RABGAP1: variants seen among roughly 807,000 people sequenced by gnomAD.
RABGAP1 encodes RAB GTPase activating protein 1.
Under a neutral mutation model 137.6 loss-of-function variants are expected in RABGAP1, and 23 were observed. The observed-to-expected ratio is 0.17, with a 90% CI of 0.12 to 0.24. RABGAP1 has a LOEUF of 0.24. Among genes scored for constraint, RABGAP1 ranks in the 10% least tolerant of loss-of-function variants. The pLI is 1.00. For missense variants in RABGAP1, 906 were observed against 1,275.8 expected (o/e 0.71, Z 4.42); for synonymous variants, 451 against 450.7 (o/e 1.00, Z -0.01).
chr9:123,002,224 C>G (rs1837357256), intron 10 of RABGAP1, among the ~76,000 whole-genome samples: 1 of 151,634 alleles, frequency 6.6e-6, no homozygotes, highest in African/African-American at 2.4e-5. Context: ...TTGCTTGAAC[C>G]CGGGAGGTGG....
intron 13 of RABGAP1, among the ~76,000 whole-genome samples, chr9:123,050,863 C>CT (rs879717831): frequency 1.3e-5 from 2 of 152,108 alleles, no homozygotes; most frequent in Non-Finnish European, 2.9e-5. Context: ...TTAGGAGAAA[C>CT]TGTTTTTTGA....
chr9:123,080,274 T>C (rs1355382959), intron 19 of RABGAP1, among the ~76,000 whole-genome samples: 1 of 152,206 alleles, frequency 6.6e-6, no homozygotes, highest in Non-Finnish European at 1.5e-5. Context: ...TGCTTAGATA[T>C]ATAATTCCTT....
Position 122,947,027 on chromosome 9 carries a change from T to C in RABGAP1, c.-50+5934T>C, listed in dbSNP as rs540990864. Among the ~76,000 whole-genome samples the C allele has an allele frequency of 7.9e-5, 12 of 152,244 alleles. No individual in the cohort carries two copies. The South Asian group carries it at 2.5e-3, about 32-fold the overall frequency. ...ACTCCATTTTTAAACATGGAGCTAC[T>C]TACATCTACCTCATGGAACTGTAAT... On this transcript the variant is annotated intron_variant, in intron 1 of 25. Coordinates refer to ENST00000373647, the MANE Select transcript of RABGAP1 (RefSeq NM_012197.4).
At chr9:122,933,299 T>C in the RABGAP1 span, among the ~76,000 whole-genome samples, 1 of 152,270 alleles carries the variant, frequency 6.6e-6, no homozygotes, top group Non-Finnish European at 1.5e-5. Flanking sequence ...TATAATCTTG[T>C]TGTAATGAGC....
At chr9:123,039,131 A>G (rs1455324635) in intron 13 of RABGAP1, among the ~76,000 whole-genome samples, 1 of 152,212 alleles carries the variant, frequency 6.6e-6, no homozygotes, top group East Asian at 1.9e-4. Flanking sequence ...TAAGGAAGCC[A>G]TACATCATGA....
intron 2 of RABGAP1, among the ~76,000 whole-genome samples, chr9:122,966,535 AAAAT>A (rs1230732386): frequency 2.0e-5 from 3 of 152,058 alleles, no homozygotes; most frequent in Admixed American, 6.6e-5. Flanking sequence ...AAAAAATAAA[AAAAT>A]AAATAAAGCT....
intron 10 of RABGAP1, among the ~76,000 whole-genome samples, chr9:123,005,056 CAAAA>C (rs11421673): frequency 5.3e-5 from 5 of 93,880 alleles, no homozygotes; most frequent in Non-Finnish European, 6.8e-5. Context: ...AACTCCATCT[CAAAA>C]AAAAAAAAAA....
At chr9:123,080,754 C>G (rs925818724) in intron 19 of RABGAP1, among the ~76,000 whole-genome samples, 2 of 152,094 alleles carry the variant, frequency 1.3e-5, no homozygotes, top group African/African-American at 4.8e-5. Flanking sequence ...AGCTTTTGAA[C>G]TTTTTCATGT....
At chr9:122,992,641 T>G (rs982708558) in intron 6 of RABGAP1, among the ~76,000 whole-genome samples, 3 of 149,828 alleles carry the variant, frequency 2.0e-5, no homozygotes, top group African/African-American at 7.3e-5. Context: ...TTAACTTAAA[T>G]ATATTATTTA....
At chr9:123,000,702 TG>T (rs1458689577) in intron 10 of RABGAP1, among the ~76,000 whole-genome samples, 1 of 151,998 alleles carries the variant, frequency 6.6e-6, no homozygotes, top group East Asian at 1.9e-4. Flanking sequence ...AAAATATAGA[TG>T]GGGATTTGCC....
chr9:122,990,233 T>G lies in RABGAP1; in HGVS notation c.923+20T>G. 1.9e-6 allele frequency: 3 copies of G among 1,569,058 alleles called. No homozygotes were observed. The highest frequency in any genetic ancestry group is 2.6e-6 in the Non-Finnish European group (3 of 1,143,566). On this transcript the variant is annotated intron_variant, in intron 6 of 25. Transcript: ENST00000373647. ...TTTTAGGTAGGGAATCTTATTTTAT[T>G]CATGTATTAACATGCTGTGGTTCAG...
intron 13 of RABGAP1, among the ~76,000 whole-genome samples, chr9:123,050,355 C>T (rs902007932): frequency 8.5e-5 from 13 of 152,132 alleles, no homozygotes; most frequent in African/African-American, 3.1e-4. Flanking sequence ...ATGGTTTTTG[C>T]CTTCAAGAGC....
intron 10 of RABGAP1, among the ~76,000 whole-genome samples, chr9:123,006,665 T>C (rs912855280): frequency 2.0e-5 from 3 of 152,216 alleles, no homozygotes; most frequent in Non-Finnish European, 4.4e-5. Flanking sequence ...TAGAGTGCAA[T>C]GGTGCGATCT....
intron 15 of RABGAP1, 39 bp from the exon 16 acceptor site, chr9:123,073,513 G>A (rs374747500): frequency 6.9e-6 from 11 of 1,584,422 alleles, no homozygotes; most frequent in Middle Eastern, 1.7e-4. Flanking sequence ...ATTCCCCACC[G>A]CCATCCTCCC....
In RABGAP1 at chr9:123,103,252, C is replaced by T. The variant is rs538715294; in HGVS notation, c.*39C>T. 8.7e-6 allele frequency: 14 copies of T among 1,610,372 alleles called. No individual in the cohort carries two copies. In the African/African-American group the frequency reaches 1.7e-4, roughly 20 times the overall value. ...CTCCCGACACCTTCAGAAAACACGA[C>T]ACCTTTTGTTGCCTTCTTTGGCCAG... On this transcript the variant is annotated 3_prime_UTR_variant, in exon 26 of 26. Coordinates refer to ENST00000373647, the MANE Select transcript of RABGAP1 (RefSeq NM_012197.4).
chr9:123,070,560 T>A lies in RABGAP1; in HGVS notation c.1983+136T>A. ...AATTTTAACACCTATAGCTGGAAAC[T>A]TTTTCCTTAAATTAACTTAATGTCA... On this transcript the variant is annotated intron_variant, in intron 15 of 25. Coordinates refer to ENST00000373647, the MANE Select transcript of RABGAP1 (RefSeq NM_012197.4). The surrounding 1 kb of genome is among the most constrained non-coding windows in gnomAD (Gnocchi z 4.4). 7.0e-7 allele frequency: 1 copy of A among 1,434,576 alleles called. No individual in the cohort carries two copies. Among genetic ancestry groups the A allele is most frequent in the Admixed American group, 2.6e-5 (1 of 37,752 alleles). 88.9% of individuals were successfully genotyped at this position (1,434,576 alleles called of 1,614,324 possible).
intron 1 of RABGAP1, among the ~76,000 whole-genome samples, chr9:122,954,682 C>T (rs1219108803): frequency 6.6e-6 from 1 of 152,106 alleles, no homozygotes; most frequent in African/African-American, 2.4e-5. Flanking sequence ...GAAAACTTCT[C>T]TTGAAGTACA....
At chr9:123,102,997 T>G in intron 25 of RABGAP1, 94 bp from the exon 26 acceptor site, 1 of 1,483,184 alleles carries the variant, frequency 6.7e-7, no homozygotes, top group Non-Finnish European at 9.0e-7. Context: ...CTCTCCAGAG[T>G]AAATAGACTG....
At chr9:122,982,338 C>T (rs577584145) in intron 2 of RABGAP1, among the ~76,000 whole-genome samples, 1 of 152,232 alleles carries the variant, frequency 6.6e-6, no homozygotes, top group East Asian at 1.9e-4. Flanking sequence ...AAACACAAGG[C>T]AAAGGTATAA....
Sources: allele counts gnomAD v4.1 joint callset (sites outside exome capture counted in the v4.1 genomes callset), GRCh38; gene constraint gnomAD v4.1.1; non-coding constraint Gnocchi (gnomAD v3.1); transcripts MANE v1.5; gene names NCBI Gene and HGNC (gene_info 2026-07-23, HGNC 2026-07-21).